GRAMD1B: variants seen among roughly 807,000 people sequenced by gnomAD.
GRAMD1B encodes GRAM domain containing 1B, also known as protein Aster-B.
In GRAMD1B, 37 loss-of-function variants were observed where a neutral mutation model predicts 99.7. That is an observed-to-expected ratio of 0.37 (90% CI 0.29 to 0.49). GRAMD1B has a LOEUF of 0.49. Among genes scored for constraint, GRAMD1B ranks in the 20% least tolerant of loss-of-function variants. GRAMD1B has a pLI of 0.98. For missense variants in GRAMD1B, 888 were observed against 1,009.2 expected (o/e 0.88, Z 1.63); for synonymous variants, 427 against 387.6 (o/e 1.10, Z -1.19).
intron 1 of GRAMD1B, among the ~76,000 whole-genome samples, chr11:123,400,814 G>T (rs997581535): frequency 6.6e-6 from 1 of 152,138 alleles, no homozygotes; most frequent in African/African-American, 2.4e-5. Flanking sequence ...TATATGTTCT[G>T]TCATTCCTTA....
rs1952259550 is a variant in GRAMD1B, at chr11:123,603,497, T to C, written c.1122T>C (p.Asp374=). ...CYGNELGLTS[D]DEDYVPPDDD... ...GGAACGAATTGGGCCTGACCAGTGA[T>C]GACGAGGACTACGTGCCCCCTGACG... Residue 374 remains aspartate, a synonymous_variant, in exon 9 of 20, where the codon GAT becomes GAC. Transcript: ENST00000635736. 6.2e-7 allele frequency: 1 copy of C among 1,613,758 alleles called. No homozygotes were observed. The highest frequency in any genetic ancestry group is 1.3e-5 in the African/African-American group (1 of 75,050).
At chr11:123,527,484 C>T (rs1299471767) in intron 2 of GRAMD1B, among the ~76,000 whole-genome samples, 1 of 152,074 alleles carries the variant, frequency 6.6e-6, no homozygotes, top group Non-Finnish European at 1.5e-5. Context: ...ATCAGTTATC[C>T]CCCAGCCGGG....
intron 2 of GRAMD1B, among the ~76,000 whole-genome samples, chr11:123,487,593 C>T (rs11219168): frequency 0.62 from 94,225 of 152,020 alleles, 30,378 homozygotes; most frequent in African/African-American, 0.81. Context: ...CAGTAAGTTA[C>T]GTTTTTTTGT....
At chr11:123,369,700 C>G (rs779350828) in intron 1 of GRAMD1B, among the ~76,000 whole-genome samples, 1 of 149,942 alleles carries the variant, frequency 6.7e-6, no homozygotes, top group Non-Finnish European at 1.5e-5. Context: ...GGCAAAACCC[C>G]GTCTCTACTA....
At chr11:123,374,619 T>A (rs77529425) in intron 1 of GRAMD1B, among the ~76,000 whole-genome samples, 1,652 of 152,330 alleles carry the variant, frequency 0.011, 32 homozygotes, top group African/African-American at 0.038. Flanking sequence ...AACAGCCTCC[T>A]AGTGTACTTG....
At chr11:123,389,432 C>A (rs1426432672) in intron 1 of GRAMD1B, among the ~76,000 whole-genome samples, 1 of 151,464 alleles carries the variant, frequency 6.6e-6, no homozygotes, top group Admixed American at 6.6e-5. Flanking sequence ...AGATACCTGA[C>A]CAGTACTCTT....
chr11:123,458,756 G>A (rs1950275620), intron 1 of GRAMD1B: 1 of 151,250 alleles, frequency 6.6e-6, no homozygotes, highest in Admixed American at 6.6e-5. Flanking sequence ...AAAATTCCAG[G>A]AGAATGGGAG....
chr11:123,450,112 G>T (rs1172254196), intron 1 of GRAMD1B, among the ~76,000 whole-genome samples: 3 of 152,166 alleles, frequency 2.0e-5, no homozygotes, highest in African/African-American at 7.2e-5. Context: ...CCCAAAATGA[G>T]GTTCCAGAGA....
At chr11:123,531,891 A>T (rs1565337550) in intron 2 of GRAMD1B, among the ~76,000 whole-genome samples, 1 of 151,904 alleles carries the variant, frequency 6.6e-6, no homozygotes, top group Non-Finnish European at 1.5e-5. Context: ...ATGCACCACC[A>T]CGCCTGGCTA....
intron 2 of GRAMD1B, among the ~76,000 whole-genome samples, chr11:123,507,589 G>A (rs1940565772): frequency 6.6e-6 from 1 of 152,094 alleles, no homozygotes; most frequent in African/African-American, 2.4e-5. Context: ...TTGAATCAGA[G>A]TAGTTAAATT....
In GRAMD1B at chr11:123,618,416, T is replaced by C. The variant is rs989189633; in HGVS notation, c.2319-277T>C. On this transcript the variant is annotated intron_variant, in intron 17 of 19. Transcript: ENST00000635736. The stretch of plus-strand genomic sequence containing the variant: ...TCTCTTTTCCTCCCCACCGTACCTC[T>C]CTTCCCCCAGGTGCCCAGGTTCTGG... The C allele has an allele frequency of 1.5e-5, 23 of 1,519,420 alleles. 1 individual carries two copies. The East Asian group carries it at 2.5e-4, about 16-fold the overall frequency. 94.1% of individuals were successfully genotyped at this position (1,519,420 alleles called of 1,614,324 possible). A position where few individuals can be genotyped will look rare whatever the true frequency, so the allele number is the denominator to read the frequency against.
At chr11:123,387,656 AG>A (rs893519755) in intron 1 of GRAMD1B, among the ~76,000 whole-genome samples, 26 of 152,020 alleles carry the variant, frequency 1.7e-4, no homozygotes, top group Non-Finnish European at 2.4e-4. Flanking sequence ...CAGACATCTC[AG>A]GGTTTTGTTT....
intron 6 of GRAMD1B, 30 bp from the exon 7 acceptor site, chr11:123,595,912 T>C: frequency 7.4e-7 from 1 of 1,351,962 alleles, no homozygotes; most frequent in East Asian, 2.3e-5. Context: ...ACTTTGCTTG[T>C]TGCCCATTCT....
At chr11:123,542,841 A>G (rs1046375935) in intron 2 of GRAMD1B, among the ~76,000 whole-genome samples, 2 of 152,048 alleles carry the variant, frequency 1.3e-5, no homozygotes, top group East Asian at 1.9e-4. Context: ...TCCAGTAAAG[A>G]CGGGGTTTCA....
chr11:123,404,731 A>G (rs553175699), intron 1 of GRAMD1B, among the ~76,000 whole-genome samples: 6 of 152,376 alleles, frequency 3.9e-5, no homozygotes, highest in African/African-American at 1.2e-4. Flanking sequence ...AATTCAAAGC[A>G]TTACTCAACT....
intron 1 of GRAMD1B, among the ~76,000 whole-genome samples, chr11:123,446,339 T>C (rs1057452575): frequency 1.3e-5 from 2 of 151,982 alleles, no homozygotes; most frequent in Non-Finnish European, 2.9e-5. Flanking sequence ...CTAATATTTG[T>C]GTTTTTAGTA....
intron 1 of GRAMD1B, among the ~76,000 whole-genome samples, chr11:123,452,975 G>A (rs1027901734): frequency 4.6e-5 from 7 of 152,156 alleles, no homozygotes; most frequent in Admixed American, 3.9e-4. Context: ...AGATAATTTT[G>A]TGTTACTTTC....
chr11:123,529,659 T>C (rs1442916285), intron 2 of GRAMD1B, among the ~76,000 whole-genome samples: 1 of 152,128 alleles, frequency 6.6e-6, no homozygotes, highest in Admixed American at 6.5e-5. Flanking sequence ...AGCCAAGAAA[T>C]TGGTTTTTTA....
At chr11:123,571,823 T>C (rs982190051) in intron 2 of GRAMD1B, among the ~76,000 whole-genome samples, 7 of 152,114 alleles carry the variant, frequency 4.6e-5, no homozygotes, top group Admixed American at 4.6e-4. Context: ...ACCCCGAACA[T>C]TCTCTTCTCT....
Sources: allele counts gnomAD v4.1 joint callset (sites outside exome capture counted in the v4.1 genomes callset), GRCh38; gene constraint gnomAD v4.1.1; transcripts MANE v1.5; gene names NCBI Gene and HGNC (gene_info 2026-07-23, HGNC 2026-07-21).